Variants in BRDT observed in about 807,000 individuals in gnomAD.
BRDT encodes bromodomain testis-specific protein.
A neutral mutation model predicts 113.9 loss-of-function variants in BRDT; 77 were observed. The observed-to-expected ratio is 0.68, with a 90% CI of 0.56 to 0.82. The LOEUF (loss-of-function observed/expected upper bound fraction) is 0.82, where lower values mean the gene tolerates loss of function less well. Ranked by LOEUF, BRDT falls within the 40% of genes least tolerant of loss-of-function variation. BRDT has a pLI of 0.00. For synonymous variants in BRDT, 358 were observed against 366.5 expected (o/e 0.98, Z 0.26); for missense variants, 1,027 against 1,105.4 (o/e 0.93, Z 1.01).
chr1:91,980,397 T>G (rs1173156443), intron 8 of BRDT, among the ~76,000 whole-genome samples: 1 of 152,204 alleles, frequency 6.6e-6, no homozygotes, highest in Non-Finnish European at 1.5e-5. Context: ...GAAATGTTAT[T>G]TATTCTTGAT....
In BRDT at chr1:91,962,745, G is replaced by A; in HGVS notation, c.-10G>A. 6.4e-7 allele frequency: 1 copy of A among 1,570,138 alleles called. No individual in the cohort carries two copies. Among genetic ancestry groups the A allele is most frequent in the Non-Finnish European group, 8.6e-7 (1 of 1,161,396 alleles). ...CATGTACTTGTAGACAGGATTCAAA[G>A]CAGTTAAGAATGTCTCTGCCAAGTC... is the stretch of plus-strand genomic sequence containing the variant. On this transcript the variant is annotated 5_prime_UTR_variant, in exon 2 of 19. Coordinates refer to ENST00000399546, the MANE Select transcript of BRDT (RefSeq NM_207189.4).
At chr1:91,977,780 A>C (rs1482702156) in intron 6 of BRDT, among the ~76,000 whole-genome samples, 1 of 151,760 alleles carries the variant, frequency 6.6e-6, no homozygotes, top group East Asian at 1.9e-4. Flanking sequence ...GAGTCACGAG[A>C]ATCACTTGAA....
chr1:91,987,460 T>C (rs1685355783), intron 12 of BRDT, among the ~76,000 whole-genome samples: 1 of 151,750 alleles, frequency 6.6e-6, no homozygotes, highest in African/African-American at 2.4e-5. Context: ...CAGCCTCCTG[T>C]GTAGCTGGAG....
chr1:92,004,770 T>C, intron 17 of BRDT, 151 bp downstream of exon 17: 1 of 696,138 alleles, frequency 1.4e-6, no homozygotes, highest in South Asian at 2.6e-5. Context: ...TGATACTTTT[T>C]CTAAGTGATG....
intron 12 of BRDT, among the ~76,000 whole-genome samples, chr1:91,986,794 A>G (rs1685282966): frequency 6.6e-6 from 1 of 152,166 alleles, no homozygotes; most frequent in African/African-American, 2.4e-5. Flanking sequence ...ACTTTGTTCA[A>G]GCCTAGATTT....
intron 1 of BRDT, among the ~76,000 whole-genome samples, chr1:91,957,296 A>C (rs1056404184): frequency 2.6e-5 from 4 of 152,142 alleles, no homozygotes; most frequent in Non-Finnish European, 5.9e-5. Context: ...GATGGAGACC[A>C]TCCTGGCTAA....
At chr1:91,994,039 T>C (rs1281592109) in intron 14 of BRDT, 44 bp from the exon 15 acceptor site, 1 of 1,496,890 alleles carries the variant, frequency 6.7e-7, no homozygotes, top group South Asian at 1.4e-5. Flanking sequence ...GTATACTTCT[T>C]GTATGGTTAA....
At chr1:91,999,371 A>C (rs1190741171) in intron 15 of BRDT, among the ~76,000 whole-genome samples, 3 of 152,160 alleles carry the variant, frequency 2.0e-5, no homozygotes, top group Non-Finnish European at 4.4e-5. Context: ...AGGGTCATTC[A>C]TGTAAAAATA....
intron 12 of BRDT, among the ~76,000 whole-genome samples, chr1:91,983,575 T>C (rs1684918975): frequency 6.6e-6 from 1 of 152,198 alleles, no homozygotes; most frequent in South Asian, 2.1e-4. Flanking sequence ...TCTTAAAACA[T>C]TGCTGTGTTG....
intron 15 of BRDT, among the ~76,000 whole-genome samples, chr1:92,001,006 T>G (rs367889363): frequency 1.3e-5 from 2 of 152,200 alleles, no homozygotes; most frequent in Non-Finnish European, 2.9e-5. Flanking sequence ...TCAGACTTAC[T>G]GCGTTTCACA....
At position 91,964,712 on chromosome 1, in the gene BRDT, A is replaced by C; in HGVS notation, c.278A>C (p.Glu93Ala). 1 of 1,532,212 alleles carries C rather than the reference A, an allele frequency of 6.5e-7. No individual in the cohort carries two copies. Among genetic ancestry groups the C allele is most frequent in the Non-Finnish European group, 8.9e-7 (1 of 1,121,336 alleles). 94.9% of individuals were successfully genotyped at this position (1,532,212 alleles called of 1,614,324 possible). A position where few individuals can be genotyped will look rare whatever the true frequency, so the allele number is the denominator to read the frequency against. Residue 93 changes from glutamate (E) to alanine (A), a missense_variant, in exon 3 of 19, where the codon GAA becomes GCA. Physicochemically the swap from Glu to Ala is moderately radical, Grantham distance 107. Transcript: ENST00000399546. ...LENKYYAKAS[E>A]CIEDFNTMFS... ...AATAAATATTATGCGAAGGCTTCAG[A>C]ATGTATAGAAGACTTCAATACAATG... is the stretch of plus-strand genomic sequence containing the variant.
chr1:91,950,766 C>A (rs932001845), intron 1 of BRDT: 3 of 147,700 alleles, frequency 2.0e-5, no homozygotes, highest in Non-Finnish European at 4.4e-5. Flanking sequence ...TCGCTCACGC[C>A]TGTAATCCCA....
intron 4 of BRDT, among the ~76,000 whole-genome samples, chr1:91,969,129 T>C (rs1464112990): frequency 6.6e-6 from 1 of 151,352 alleles, no homozygotes; most frequent in Non-Finnish European, 1.5e-5. Context: ...TTTAGTAGAG[T>C]CGGGGTTTCA....
intron 3 of BRDT, 52 bp from the exon 4 acceptor site, chr1:91,968,094 G>A: frequency 6.4e-7 from 1 of 1,569,440 alleles, no homozygotes; most frequent in Non-Finnish European, 8.7e-7. Flanking sequence ...TAAAACATTT[G>A]GTACAGTGAC....
At chr1:91,983,017 C>G (rs569365327) in intron 12 of BRDT, among the ~76,000 whole-genome samples, 77 of 152,056 alleles carry the variant, frequency 5.1e-4, no homozygotes, top group Non-Finnish European at 8.1e-4. Context: ...TCTTACTGTT[C>G]CTGTTAGTTT....
At chr1:92,012,640 A>G (rs1273364542) in intron 18 of BRDT, among the ~76,000 whole-genome samples, 1 of 152,156 alleles carries the variant, frequency 6.6e-6, no homozygotes, top group Admixed American at 6.5e-5. Flanking sequence ...GCCGGGTGCA[A>G]TGGCTCATGC....
chr1:92,013,530 A>C (rs773589430), intron 18 of BRDT, among the ~76,000 whole-genome samples: 6 of 152,208 alleles, frequency 3.9e-5, no homozygotes, highest in Non-Finnish European at 8.8e-5. Flanking sequence ...GTCATCTCAG[A>C]TGCTAAAGAA....
At chr1:92,002,399 T>C (rs1000623467) in intron 16 of BRDT, among the ~76,000 whole-genome samples, 1 of 152,170 alleles carries the variant, frequency 6.6e-6, no homozygotes, top group Non-Finnish European at 1.5e-5. Context: ...AGTCTCACTC[T>C]GTCGCCTAGG....
chr1:91,968,645 T>C lies in BRDT; in HGVS notation c.445+385T>C, dbSNP rs542117725. ...ATTTCCATAGCTGAGAATGAAATGT[T>C]AGTATTGCGTTGGAAGATTGTCTTT... On this transcript the variant is annotated intron_variant, in intron 4 of 18. Transcript: ENST00000399546. Among the ~76,000 whole-genome samples, 5 of 152,328 alleles carry C rather than the reference T, an allele frequency of 3.3e-5. No individual in the cohort carries two copies. The South Asian group carries it at 1.0e-3, about 32-fold the overall frequency.
Sources: gnomAD v4.1 joint callset for allele counts (sites outside exome capture counted in the v4.1 genomes callset) on GRCh38, gnomAD v4.1.1 for gene constraint, MANE v1.5 for transcripts, NCBI Gene and HGNC (gene_info 2026-07-23, HGNC 2026-07-21) for gene names.